The following MALT1 variants were observed in gnomAD, a reference collection of about 807,000 sequenced individuals.
The protein encoded by MALT1 is MALT1 paracaspase, also known as mucosa-associated lymphoid tissue lymphoma translocation protein 1.
In MALT1, 36 loss-of-function variants were observed where a neutral mutation model predicts 85.5. The ratio of observed to expected loss-of-function variants is 0.42; its 90% CI spans 0.32 to 0.56. The LOEUF (loss-of-function observed/expected upper bound fraction) is 0.56, where lower values mean the gene tolerates loss of function less well. MALT1 is among the 20% of genes least tolerant of loss of function. The pLI, the probability that MALT1 is intolerant of heterozygous loss-of-function variation, is 0.10. For missense variants in MALT1, 716 were observed against 981.6 expected (o/e 0.73, Z 3.62); for synonymous variants, 359 against 361.3 (o/e 0.99, Z 0.07).
chr18:58,719,900 T>C (rs2054960547), intron 9 of MALT1, among the ~76,000 whole-genome samples: 1 of 149,660 alleles, frequency 6.7e-6, no homozygotes, highest in South Asian at 2.1e-4. Context: ...AATAAATACT[T>C]AATAGCATTT....
At chr18:58,693,666 G>C (rs925229792) in intron 2 of MALT1, among the ~76,000 whole-genome samples, 1 of 152,152 alleles carries the variant, frequency 6.6e-6, no homozygotes, top group Admixed American at 6.5e-5. Flanking sequence ...ATGATGCTAA[G>C]AAACTGCAAA....
chr18:58,691,597 C>G, intron 2 of MALT1: 1 of 169,328 alleles, frequency 5.9e-6, no homozygotes. Flanking sequence ...GGGACCGGGC[C>G]CAGTGGCTCG....
At chr18:58,721,837 AACT>A (rs1192506773) in intron 9 of MALT1, among the ~76,000 whole-genome samples, 1 of 152,206 alleles carries the variant, frequency 6.6e-6, no homozygotes, top group Non-Finnish European at 1.5e-5. Flanking sequence ...CTTACAAATA[AACT>A]ACTTAGCAGC....
At chr18:58,705,688 T>G (rs1602306191) in intron 4 of MALT1, among the ~76,000 whole-genome samples, 1 of 151,362 alleles carries the variant, frequency 6.6e-6, no homozygotes, top group Non-Finnish European at 1.5e-5. Flanking sequence ...TATTCCATGG[T>G]GTATATGTGC....
intron 2 of MALT1, among the ~76,000 whole-genome samples, chr18:58,686,205 T>C (rs2054400022): frequency 6.6e-6 from 1 of 152,200 alleles, no homozygotes; most frequent in African/African-American, 2.4e-5. Flanking sequence ...TTTTATATTT[T>C]TAGTAGCGAC....
chr18:58,745,871 T>C (rs1022822719), intron 16 of MALT1, 80 bp downstream of exon 16: 148 of 1,283,408 alleles, frequency 1.2e-4, no homozygotes, highest in African/African-American at 1.5e-4. Flanking sequence ...ACCATAGATA[T>C]GCTGCCTTAT....
At chr18:58,673,306 C>G (rs565107634) in intron 1 of MALT1, among the ~76,000 whole-genome samples, 9 of 152,238 alleles carry the variant, frequency 5.9e-5, no homozygotes, top group Middle Eastern at 3.4e-3. Context: ...ATTTGGGGAC[C>G]TTTACAATAA....
At chr18:58,734,835 C>T (rs1408510744) in intron 12 of MALT1, among the ~76,000 whole-genome samples, 23 of 152,114 alleles carry the variant, frequency 1.5e-4, no homozygotes, top group Admixed American at 1.5e-3. Flanking sequence ...ATACAGAAGT[C>T]CCATGTGGCA....
chr18:58,677,624 TAAAA>T (rs1291527992), intron 1 of MALT1: 1 of 152,172 alleles, frequency 6.6e-6, no homozygotes, highest in Non-Finnish European at 1.5e-5. Context: ...CATTGTTTCT[TAAAA>T]GAAAGAACAC....
chr18:58,733,352 A>C lies in MALT1; in HGVS notation c.1223-45A>C, dbSNP rs540301976. ...TATGCAGTCTGTATGTTCAGAGTGC[A>C]TTTAGAATTGACATCTATCTCTCTC... On this transcript the variant is annotated intron_variant, in intron 10 of 16. Coordinates refer to ENST00000649217, the MANE Select transcript of MALT1 (RefSeq NM_006785.4). 5.4e-6 allele frequency: 7 copies of C among 1,298,674 alleles called. No homozygotes were observed. The South Asian group carries it at 9.3e-5, about 17-fold the overall frequency. 80.4% of individuals were successfully genotyped at this position (1,298,674 alleles called of 1,614,324 possible). A position where few individuals can be genotyped will look rare whatever the true frequency, so the allele number is the denominator to read the frequency against.
intron 3 of MALT1, among the ~76,000 whole-genome samples, chr18:58,699,899 G>C (rs950697717): frequency 6.6e-6 from 1 of 152,202 alleles, no homozygotes; most frequent in Admixed American, 6.5e-5. Context: ...GCTCTTCTCT[G>C]TCTAGACCTT....
intron 2 of MALT1, among the ~76,000 whole-genome samples, chr18:58,686,987 G>A (rs977799145): frequency 6.6e-6 from 1 of 152,146 alleles, no homozygotes; most frequent in Non-Finnish European, 1.5e-5. Flanking sequence ...ACCCTGACCT[G>A]AACTCAATAC....
At chr18:58,706,754 G>T (rs1296271674) in intron 4 of MALT1, among the ~76,000 whole-genome samples, 4 of 152,036 alleles carry the variant, frequency 2.6e-5, no homozygotes, top group Admixed American at 2.0e-4. Context: ...GAGGTGTGTT[G>T]GTTTGTTTTC....
intron 10 of MALT1, among the ~76,000 whole-genome samples, chr18:58,727,624 TTTTG>T (rs1257326825): frequency 2.3e-4 from 29 of 128,140 alleles, no homozygotes; most frequent in African/African-American, 6.8e-4. Flanking sequence ...GTGTTTTTTT[TTTTG>T]TTTTTTTTTT....
At chr18:58,679,828 TGTGAGCCACCGTGC>T (rs2054294593) in intron 1 of MALT1, among the ~76,000 whole-genome samples, 1 of 152,088 alleles carries the variant, frequency 6.6e-6, no homozygotes, top group Non-Finnish European at 1.5e-5. Flanking sequence ...GGATTACGGG[TGTGAGCCACCGTGC>T]CCAGCCTAAG....
At chr18:58,727,905 A>T (rs2055087107) in intron 10 of MALT1, among the ~76,000 whole-genome samples, 1 of 151,828 alleles carries the variant, frequency 6.6e-6, no homozygotes, top group African/African-American at 2.4e-5. Flanking sequence ...TGTTAATATT[A>T]CCTACTTTGT....
intron 13 of MALT1, among the ~76,000 whole-genome samples, chr18:58,740,991 C>T (rs1427860707): frequency 6.6e-6 from 1 of 151,626 alleles, no homozygotes; most frequent in Non-Finnish European, 1.5e-5. Context: ...ATTTCAAATG[C>T]TTCTTCTCTT....
At chr18:58,684,549 C>T (rs947474970) in intron 2 of MALT1, among the ~76,000 whole-genome samples, 2 of 145,682 alleles carry the variant, frequency 1.4e-5, no homozygotes, top group Non-Finnish European at 3.0e-5. Context: ...CAGGTTCAAG[C>T]GATTCTCCTG....
intron 3 of MALT1, 94 bp from the exon 4 acceptor site, chr18:58,700,347 A>G: frequency 1.0e-6 from 1 of 995,170 alleles, no homozygotes; most frequent in Non-Finnish European, 1.4e-6. Context: ...TTGCACTTTC[A>G]AAGCTTCATA....
Sources: allele counts gnomAD v4.1 joint callset (sites outside exome capture counted in the v4.1 genomes callset), GRCh38; gene constraint gnomAD v4.1.1; transcripts MANE v1.5; gene names NCBI Gene and HGNC (gene_info 2026-07-23, HGNC 2026-07-21).